DYDC1: variants seen among roughly 807,000 people sequenced by gnomAD.
The protein encoded by DYDC1 is DPY30 domain containing 1.
Under a neutral mutation model 27.9 loss-of-function variants are expected in DYDC1, and 21 were observed. That is an observed-to-expected ratio of 0.75 (90% CI 0.53 to 1.08). DYDC1 has a LOEUF of 1.08. DYDC1 is among the 50% of genes least tolerant of loss of function. DYDC1 has a pLI of 0.00. For synonymous variants in DYDC1, 67 were observed against 65.8 expected (o/e 1.02, Z -0.09); for missense variants, 202 against 205.9 (o/e 0.98, Z 0.12).
chr10:80,355,875 A>C (rs754488699), intron 1 of DYDC1, among the ~76,000 whole-genome samples: 5 of 152,108 alleles, frequency 3.3e-5, no homozygotes, highest in African/African-American at 7.2e-5. Flanking sequence ...CAGAGAAAAG[A>C]ATTATTACAA....
chr10:80,337,804 C>T (rs552906808), intron 6 of DYDC1, among the ~76,000 whole-genome samples: 36 of 152,306 alleles, frequency 2.4e-4, no homozygotes, highest in Middle Eastern at 3.4e-3. Flanking sequence ...GGCTGTCCCC[C>T]CTTGTCCGTG....
intron 1 of DYDC1, among the ~76,000 whole-genome samples, chr10:80,355,226 T>G (rs993802003): frequency 6.6e-6 from 1 of 151,966 alleles, no homozygotes; most frequent in Non-Finnish European, 1.5e-5. Flanking sequence ...AACTTGTCCC[T>G]GGACAAATGC....
intron 1 of DYDC1, among the ~76,000 whole-genome samples, chr10:80,352,912 C>A (rs1033123545): frequency 1.3e-5 from 2 of 152,150 alleles, no homozygotes; most frequent in African/African-American, 4.8e-5. Flanking sequence ...TAATGTGGGT[C>A]TCATGTAATC....
intron 2 of DYDC1, 155 bp downstream of exon 2, chr10:80,352,300 A>C: frequency 8.7e-7 from 1 of 1,147,114 alleles, no homozygotes; most frequent in Non-Finnish European, 1.2e-6. Context: ...TCTTTGGGTA[A>C]TGTTTTCTCC....
chr10:80,339,031 A>C, intron 5 of DYDC1, 66 bp downstream of exon 5: 2 of 912,780 alleles, frequency 2.2e-6, no homozygotes, highest in Non-Finnish European at 3.2e-6. Context: ...ATGCATCAAA[A>C]TTAAGCTTTA....
intron 4 of DYDC1, among the ~76,000 whole-genome samples, chr10:80,341,442 CAAAAAAAA>C (rs58419721): frequency 8.5e-5 from 4 of 46,802 alleles, no homozygotes; most frequent in Non-Finnish European, 1.7e-4. Flanking sequence ...GACTCTGTCT[CAAAAAAAA>C]AAAAAAAAAA....
intron 3 of DYDC1, among the ~76,000 whole-genome samples, chr10:80,342,690 A>T (rs1240524420): frequency 6.6e-6 from 1 of 152,052 alleles, no homozygotes. Flanking sequence ...TGGGTGAGAA[A>T]CTCTTCAGAA....
In DYDC1 at chr10:80,336,119, C is replaced by G. The variant is rs1333078126; in HGVS notation, c.*37G>C. 14 of 1,355,210 alleles carry G rather than the reference C, an allele frequency of 1.0e-5. No homozygotes were observed. Among genetic ancestry groups the G allele is most frequent in the Non-Finnish European group, 1.4e-5 (14 of 970,532 alleles). 83.9% of individuals were successfully genotyped at this position (1,355,210 alleles called of 1,614,324 possible). ...GAACCTCATGGTTTGAAATTTGAAACAAACAAAAACATTTATTGCTCTTAG... is the reference window on the plus strand; with the variant it reads ...GAACCTCATGGTTTGAAATTTGAAAGAAACAAAAACATTTATTGCTCTTAG... On this transcript the variant is annotated 3_prime_UTR_variant, in exon 7 of 7. Coordinates refer to ENST00000372202, the MANE Select transcript of DYDC1 (RefSeq NM_001269053.2).
At chr10:80,350,814 T>G (rs1012936957) in intron 3 of DYDC1, among the ~76,000 whole-genome samples, 2 of 152,136 alleles carry the variant, frequency 1.3e-5, no homozygotes, top group African/African-American at 4.8e-5. Context: ...ATTAAATCAG[T>G]CCAGAAGCCA....
chr10:80,346,627 AT>A (rs1373177724), intron 3 of DYDC1, among the ~76,000 whole-genome samples: 1 of 150,722 alleles, frequency 6.6e-6, no homozygotes, highest in Non-Finnish European at 1.5e-5. Flanking sequence ...CGCCCGGCTA[AT>A]TTTTTGTATT....
At chr10:80,355,688 A>T (rs1843322198) in intron 1 of DYDC1, among the ~76,000 whole-genome samples, 1 of 152,184 alleles carries the variant, frequency 6.6e-6, no homozygotes, top group South Asian at 2.1e-4. Context: ...AGAATAAAGA[A>T]AACGAGGTGC....
chr10:80,338,579 C>A lies in DYDC1; in HGVS notation c.400-8G>T. The A allele has an allele frequency of 6.5e-7, 1 of 1,526,860 alleles. No individual in the cohort carries two copies. The highest frequency in any genetic ancestry group is 1.3e-5 in the South Asian group (1 of 75,168). 94.6% of individuals were successfully genotyped at this position (1,526,860 alleles called of 1,614,324 possible). A position where few individuals can be genotyped will look rare whatever the true frequency, so the allele number is the denominator to read the frequency against. On this transcript the variant is annotated splice_polypyrimidine_tract_variant and splice_region_variant and intron_variant, in intron 5 of 6. Coordinates refer to ENST00000372202, the MANE Select transcript of DYDC1 (RefSeq NM_001269053.2). ...TGAGTCTAGTGTTGCTTCCTACAAT[C>A]AAAAAATTGATTTTTACTTTTAAAT...
intron 3 of DYDC1, 95 bp downstream of exon 3, chr10:80,351,806 A>C (rs1842998337): frequency 9.2e-7 from 1 of 1,085,066 alleles, no homozygotes; most frequent in Non-Finnish European, 1.4e-6. Context: ...TATCTAAATA[A>C]CTGGAGCTGG....
At chr10:80,351,874 C>A in intron 3 of DYDC1, 27 bp downstream of exon 3, 1 of 1,603,210 alleles carries the variant, frequency 6.2e-7, no homozygotes, top group Non-Finnish European at 8.5e-7. Context: ...AATTCCAGTC[C>A]CCTCTGAACT....
intron 3 of DYDC1, among the ~76,000 whole-genome samples, 168 bp downstream of exon 3, chr10:80,351,733 G>C (rs1842991938): frequency 6.6e-6 from 1 of 152,230 alleles, no homozygotes; most frequent in South Asian, 2.1e-4. Context: ...GAAAACTCAT[G>C]GCTGCTGCTT....
intron 6 of DYDC1, chr10:80,337,201 AG>A (rs1842159997): frequency 1.0e-6 from 1 of 985,488 alleles, no homozygotes; most frequent in Non-Finnish European, 1.2e-6. Context: ...AGACTTGTCC[AG>A]CCCAGGTCAG....
chr10:80,346,771 C>A (rs768358895), intron 3 of DYDC1, among the ~76,000 whole-genome samples: 23 of 151,990 alleles, frequency 1.5e-4, no homozygotes, highest in African/African-American at 5.6e-4. Context: ...TGTCTCTTCC[C>A]TTTCTGATAA....
At chr10:80,338,248 C>A in intron 6 of DYDC1, 3 of 985,336 alleles carry the variant, frequency 3.0e-6, no homozygotes, top group Non-Finnish European at 3.6e-6. Flanking sequence ...GTCACAGATA[C>A]GGAGATATAG....
chr10:80,348,203 T>C (rs1842782806), intron 3 of DYDC1, among the ~76,000 whole-genome samples: 1 of 152,254 alleles, frequency 6.6e-6, no homozygotes, highest in Non-Finnish European at 1.5e-5. Flanking sequence ...CGTATATTAT[T>C]CTTTTTGAAG....
Sources: allele counts gnomAD v4.1 joint callset (sites outside exome capture counted in the v4.1 genomes callset), GRCh38; gene constraint gnomAD v4.1.1; transcripts MANE v1.5; gene names NCBI Gene and HGNC (gene_info 2026-07-23, HGNC 2026-07-21).